Variants in CCSER1 observed in about 807,000 individuals in gnomAD.
The protein encoded by CCSER1 is serine-rich coiled-coil domain-containing protein 1.
In CCSER1, 41 loss-of-function variants were observed where a neutral mutation model predicts 82.0. The ratio of observed to expected loss-of-function variants is 0.50; its 90% confidence interval spans 0.39 to 0.65. The LOEUF is 0.65. CCSER1 is among the 30% of genes least tolerant of loss of function. The pLI is 0.00. For missense variants in CCSER1, 1,119 were observed against 1,064.2 expected (o/e 1.05, Z -0.72); for synonymous variants, 414 against 383.9 (o/e 1.08, Z -0.92).
At chr4:90,648,331 AAGAAAGAAAG>A (rs1728086694) in intron 6 of CCSER1, among the ~76,000 whole-genome samples, 5 of 150,404 alleles carry the variant, frequency 3.3e-5, no homozygotes, top group Non-Finnish European at 5.9e-5. Flanking sequence ...GAAAGAAAGA[AAGAAAGAAAG>A]AGAGTTGCCC....
chr4:90,546,698 T>C (rs1244952377), intron 5 of CCSER1, among the ~76,000 whole-genome samples: 1 of 152,158 alleles, frequency 6.6e-6, no homozygotes, highest in African/African-American at 2.4e-5. Context: ...GATTTTCTTT[T>C]TACTGGAAAC....
chr4:90,785,221 G>A (rs1016770905), intron 7 of CCSER1, among the ~76,000 whole-genome samples: 1 of 151,916 alleles, frequency 6.6e-6, no homozygotes, highest in Non-Finnish European at 1.5e-5. Context: ...ATTTTTTTAT[G>A]GAGATGGGGT....
intron 10 of CCSER1, among the ~76,000 whole-genome samples, chr4:91,221,975 T>C (rs1400094324): frequency 1.3e-5 from 2 of 152,086 alleles, no homozygotes; most frequent in African/African-American, 4.8e-5. Context: ...AACTGAATAT[T>C]CTGAATCTAT....
chr4:90,937,572 A>G (rs1035038694), intron 9 of CCSER1, among the ~76,000 whole-genome samples: 2 of 151,846 alleles, frequency 1.3e-5, no homozygotes, highest in African/African-American at 4.8e-5. Flanking sequence ...GCCAGCATCC[A>G]TGGCTGCTAA....
At chr4:91,036,888 G>C (rs1045144810) in intron 9 of CCSER1, among the ~76,000 whole-genome samples, 1 of 151,972 alleles carries the variant, frequency 6.6e-6, no homozygotes, top group African/African-American at 2.4e-5. Context: ...AGACCAGTCT[G>C]GCCAACATGG....
chr4:90,240,064 G>C (rs186951234), intron 1 of CCSER1, among the ~76,000 whole-genome samples: 13 of 152,338 alleles, frequency 8.5e-5, no homozygotes, highest in African/African-American at 3.1e-4. Flanking sequence ...AGATCTTAAA[G>C]AGAAGGTGTA....
intron 1 of CCSER1, among the ~76,000 whole-genome samples, chr4:90,232,158 T>C (rs1744712583): frequency 6.6e-6 from 1 of 152,102 alleles, no homozygotes; most frequent in Non-Finnish European, 1.5e-5. Flanking sequence ...AGAGCCCACA[T>C]CGCCAAGTCA....
intron 5 of CCSER1, among the ~76,000 whole-genome samples, chr4:90,568,555 A>T (rs1258638567): frequency 6.6e-6 from 1 of 152,120 alleles, no homozygotes; most frequent in Non-Finnish European, 1.5e-5. Context: ...TGTCTCTACA[A>T]GTAAAGTGAG....
chr4:91,109,649 G>A (rs189812880), intron 10 of CCSER1, among the ~76,000 whole-genome samples: 1 of 152,082 alleles, frequency 6.6e-6, no homozygotes, highest in Non-Finnish European at 1.5e-5. Context: ...TCAAGAGTTG[G>A]CAACAAGAAA....
intron 10 of CCSER1, among the ~76,000 whole-genome samples, chr4:91,163,800 C>A (rs972056346): frequency 2.6e-5 from 4 of 152,000 alleles, no homozygotes; most frequent in Admixed American, 2.6e-4. Flanking sequence ...CTTCCTCTAT[C>A]CCTTTATTTT....
intron 10 of CCSER1, among the ~76,000 whole-genome samples, chr4:91,215,512 T>C (rs1047628589): frequency 2.6e-5 from 4 of 152,138 alleles, no homozygotes; most frequent in African/African-American, 4.8e-5. Context: ...GCTGAAGAAC[T>C]TGGAGTCCCA....
intron 5 of CCSER1, among the ~76,000 whole-genome samples, chr4:90,560,093 T>G (rs1180058959): frequency 1.3e-5 from 2 of 152,050 alleles, no homozygotes; most frequent in Non-Finnish European, 2.9e-5. Flanking sequence ...AATTTGCATA[T>G]CATATAATTG....
At chr4:90,975,993 A>G (rs779594801) in intron 9 of CCSER1, among the ~76,000 whole-genome samples, 31 of 151,222 alleles carry the variant, frequency 2.0e-4, no homozygotes, top group Non-Finnish European at 4.0e-4. Flanking sequence ...CCTTTTATTA[A>G]TTGTGTGACC....
chr4:90,725,767 T>C (rs997797869), intron 7 of CCSER1, among the ~76,000 whole-genome samples: 3 of 151,822 alleles, frequency 2.0e-5, no homozygotes, highest in African/African-American at 7.2e-5. Flanking sequence ...TCCAAGGATA[T>C]GTTGAGAATT....
intron 1 of CCSER1, among the ~76,000 whole-genome samples, chr4:90,128,619 T>G (rs577908583): frequency 1.3e-5 from 2 of 152,210 alleles, no homozygotes; most frequent in East Asian, 3.9e-4. Flanking sequence ...CCTTCGACTT[T>G]TGGCTTGTGT....
At chr4:90,770,334 C>G (rs79742460) in intron 7 of CCSER1, among the ~76,000 whole-genome samples, 3,873 of 152,254 alleles carry the variant, frequency 0.025, 78 homozygotes, top group Non-Finnish European at 0.037. Flanking sequence ...ATAACTAATA[C>G]AGCACTCAAT....
intron 10 of CCSER1, among the ~76,000 whole-genome samples, chr4:91,506,691 G>T (rs1170553261): frequency 6.6e-6 from 1 of 152,038 alleles, no homozygotes; most frequent in African/African-American, 2.4e-5. Context: ...TTAACATATA[G>T]TAAACTTCAT....
intron 9 of CCSER1, among the ~76,000 whole-genome samples, chr4:91,066,388 G>C (rs1441819759): frequency 6.6e-6 from 1 of 152,108 alleles, no homozygotes; most frequent in East Asian, 1.9e-4. Context: ...TAAACCTTGG[G>C]GATTCACCTG....
intron 7 of CCSER1, among the ~76,000 whole-genome samples, chr4:90,763,361 A>G (rs1750697309): frequency 6.6e-6 from 1 of 152,036 alleles, no homozygotes. Flanking sequence ...CTTCCTGCAG[A>G]TTCCACTATT....
Sources: gnomAD v4.1 joint callset for allele counts (sites outside exome capture counted in the v4.1 genomes callset) on GRCh38, gnomAD v4.1.1 for gene constraint, MANE v1.5 for transcripts, NCBI Gene and HGNC (gene_info 2026-07-23, HGNC 2026-07-21) for gene names.